The following PSTPIP2 variants were observed in gnomAD, a reference collection of about 807,000 sequenced individuals.
PSTPIP2 encodes the protein proline-serine-threonine phosphatase interacting protein 2, also known as proline-serine-threonine phosphatase-interacting protein 2.
In PSTPIP2, 33 loss-of-function variants were observed where a neutral mutation model predicts 63.3. The ratio of observed to expected loss-of-function variants is 0.52; its 90% CI spans 0.40 to 0.70. The LOEUF is 0.70. Among genes scored for constraint, PSTPIP2 ranks in the 30% least tolerant of loss-of-function variants. The pLI is 0.00. For missense variants in PSTPIP2, 312 were observed against 400.7 expected, an observed-to-expected ratio of 0.78 and a Z score of 1.89; for synonymous variants, 125 against 132.7, an observed-to-expected ratio of 0.94 and a Z score of 0.40.
intron 1 of PSTPIP2, among the ~76,000 whole-genome samples, chr18:46,061,858 A>G (rs1030584322): frequency 2.0e-5 from 3 of 152,234 alleles, no homozygotes; most frequent in Admixed American, 6.5e-5. Flanking sequence ...AGCAGATTAC[A>G]AGAGGTGGGG....
In PSTPIP2 at chr18:45,988,435, GA is replaced by G. The variant is rs548829215; in HGVS notation, c.*8+266del. ...GGGTGACACAGCGAGACTCTGCTTC[GA>G]AAAAAAAAAGCAGATAAAGAGTTAC... On this transcript the variant is annotated intron_variant, in intron 14 of 14. Transcript: ENST00000409746. 1.0e-4 allele frequency among the ~76,000 whole-genome samples: 13 copies of G among 128,562 alleles called. No homozygotes were observed. The South Asian group carries it at 1.4e-3, about 13-fold the overall frequency. The allele number at this position is 128,562 out of a possible 152,430, so 84.3% of individuals were successfully genotyped here. A position where few individuals can be genotyped will look rare whatever the true frequency, so the allele number is the denominator to read the frequency against.
intron 9 of PSTPIP2, among the ~76,000 whole-genome samples, chr18:45,996,807 T>C (rs1338764827): frequency 6.6e-6 from 1 of 152,012 alleles, no homozygotes; most frequent in African/African-American, 2.4e-5. Flanking sequence ...CAAGGCGTGG[T>C]GGTGCACGCC....
At chr18:46,071,763 C>T (rs1431993234) in intron 1 of PSTPIP2, among the ~76,000 whole-genome samples, 1 of 152,246 alleles carries the variant, frequency 6.6e-6, no homozygotes, top group Non-Finnish European at 1.5e-5. Flanking sequence ...CCGGACGGGT[C>T]TCGCCTCCCT....
intron 4 of PSTPIP2, among the ~76,000 whole-genome samples, chr18:46,014,019 T>C (rs2144085529): frequency 6.7e-6 from 1 of 150,340 alleles, no homozygotes; most frequent in East Asian, 2.1e-4. Flanking sequence ...AGGAGAGGAG[T>C]AAAGAAGGGA....
At chr18:45,999,675 A>G in intron 6 of PSTPIP2, 141 bp from the exon 7 acceptor site, 2 of 719,410 alleles carry the variant, frequency 2.8e-6, no homozygotes, top group Non-Finnish European at 2.3e-6. Flanking sequence ...GGGCTCCCAG[A>G]GGGCAGATGC....
At chr18:46,060,465 C>T (rs758415692) in intron 1 of PSTPIP2, among the ~76,000 whole-genome samples, 31 of 152,310 alleles carry the variant, frequency 2.0e-4, no homozygotes, top group Non-Finnish European at 3.8e-4. Flanking sequence ...ATCCTCACTG[C>T]ACAACAGGAA....
At chr18:46,000,826 A>G (rs2051656497) in intron 6 of PSTPIP2, among the ~76,000 whole-genome samples, 2 of 152,282 alleles carry the variant, frequency 1.3e-5, no homozygotes, top group Non-Finnish European at 2.9e-5. Context: ...CTGTGAAAGC[A>G]AAGACTTTTT....
chr18:46,055,473 A>G (rs1908722848), intron 1 of PSTPIP2, among the ~76,000 whole-genome samples: 1 of 152,178 alleles, frequency 6.6e-6, no homozygotes. Flanking sequence ...GGCACATGCC[A>G]CCATGCCCAG....
chr18:45,987,233 T>C (rs7227161), intron 14 of PSTPIP2, among the ~76,000 whole-genome samples: 36,849 of 152,120 alleles, frequency 0.24, 6,426 homozygotes, highest in African/African-American at 0.48. Flanking sequence ...TTTAGAGGAC[T>C]GGAGACAAAC....
chr18:46,025,845 C>T (rs2144097492), intron 2 of PSTPIP2, among the ~76,000 whole-genome samples: 1 of 152,330 alleles, frequency 6.6e-6, no homozygotes, highest in Non-Finnish European at 1.5e-5. Context: ...ACCTCCGCCT[C>T]CCGGGTTCAA....
chr18:46,049,481 A>G (rs890764828), intron 1 of PSTPIP2, among the ~76,000 whole-genome samples: 1 of 152,218 alleles, frequency 6.6e-6, no homozygotes, highest in Non-Finnish European at 1.5e-5. Flanking sequence ...TTAAAAAAAA[A>G]AGATATTCAA....
intron 2 of PSTPIP2, 143 bp from the exon 3 acceptor site, chr18:46,024,829 C>A: frequency 1.5e-6 from 1 of 657,260 alleles, no homozygotes; most frequent in African/African-American, 1.8e-5. Flanking sequence ...TGCAAGACTC[C>A]CTCTGTATGA....
At chr18:46,048,047 A>C (rs571981047) in intron 1 of PSTPIP2, among the ~76,000 whole-genome samples, 1 of 152,334 alleles carries the variant, frequency 6.6e-6, no homozygotes, top group East Asian at 1.9e-4. Flanking sequence ...CATAGCAAAA[A>C]GGACATTGCA....
chr18:45,992,816 T>C (rs2051552029), intron 10 of PSTPIP2, among the ~76,000 whole-genome samples: 1 of 152,002 alleles, frequency 6.6e-6, no homozygotes, highest in Admixed American at 6.6e-5. Context: ...TCCACCTCCC[T>C]GGCTGAAGCA....
intron 9 of PSTPIP2, among the ~76,000 whole-genome samples, chr18:45,995,843 T>C (rs1467566304): frequency 1.3e-5 from 2 of 152,090 alleles, no homozygotes; most frequent in South Asian, 2.1e-4. Context: ...TGAGATGGAG[T>C]CTAACTCTGT....
At chr18:45,989,480 A>G (rs1233897529) in intron 13 of PSTPIP2, among the ~76,000 whole-genome samples, 1 of 152,190 alleles carries the variant, frequency 6.6e-6, no homozygotes, top group African/African-American at 2.4e-5. Flanking sequence ...TGTAAGTCCA[A>G]TTAAGCCTCT....
At chr18:46,009,947 C>G (rs2051777424) in intron 5 of PSTPIP2, among the ~76,000 whole-genome samples, 1 of 152,214 alleles carries the variant, frequency 6.6e-6, no homozygotes, top group Non-Finnish European at 1.5e-5. Context: ...CCTGATACAT[C>G]AAGCTTGAGA....
chr18:46,043,618 A>G (rs61704913), intron 1 of PSTPIP2, among the ~76,000 whole-genome samples: 1,789 of 152,306 alleles, frequency 0.012, 37 homozygotes, highest in African/African-American at 0.041. Context: ...GTCTGCTCTC[A>G]CTACTTCTAT....
intron 9 of PSTPIP2, among the ~76,000 whole-genome samples, chr18:45,995,589 G>C (rs374219077): frequency 6.6e-6 from 1 of 152,186 alleles, no homozygotes; most frequent in Non-Finnish European, 1.5e-5. Context: ...ATGGCAAAGA[G>C]AGATCAAATA....
Sources: gnomAD v4.1 joint callset for allele counts (sites outside exome capture counted in the v4.1 genomes callset) on GRCh38, gnomAD v4.1.1 for gene constraint, MANE v1.5 for transcripts, NCBI Gene and HGNC (gene_info 2026-07-23, HGNC 2026-07-21) for gene names.